Variants in PLEKHA7 observed in about 807,000 individuals in gnomAD.
PLEKHA7 encodes pleckstrin homology domain-containing family A member 7.
Under a neutral mutation model 170.0 loss-of-function variants are expected in PLEKHA7, and 104 were observed. The ratio of observed to expected loss-of-function variants is 0.61; its 90% CI spans 0.52 to 0.72. PLEKHA7 has a LOEUF of 0.72. Ranked by LOEUF, PLEKHA7 falls within the 30% of genes least tolerant of loss-of-function variation. The probability of loss-of-function intolerance (pLI) is 0.00; values close to 1 mark genes in which losing one functional copy is unlikely to be tolerated. For synonymous variants in PLEKHA7, 648 were observed against 660.8 expected, an observed-to-expected ratio of 0.98 and a Z score of 0.30; for missense variants, 1,615 against 1,671.7, an observed-to-expected ratio of 0.97 and a Z score of 0.59.
At chr11:16,779,939 C>G (rs1848899084) in intron 26 of PLEKHA7, among the ~76,000 whole-genome samples, 2 of 146,136 alleles carry the variant, frequency 1.4e-5, no homozygotes, top group Non-Finnish European at 3.0e-5. Flanking sequence ...GCATATCCCT[C>G]AAGGCCTCTG....
At chr11:16,975,101 T>A (rs983156857) in intron 3 of PLEKHA7, 5 of 566,658 alleles carry the variant, frequency 8.8e-6, no homozygotes, top group Non-Finnish European at 1.3e-5. Context: ...TTTCATCACA[T>A]GCATACATTC....
intron 3 of PLEKHA7, among the ~76,000 whole-genome samples, chr11:17,000,782 C>A (rs536575899): frequency 2.4e-4 from 36 of 152,296 alleles, no homozygotes; most frequent in African/African-American, 8.7e-4. Context: ...AAGTGACCTG[C>A]CAAAGCTAAA....
chr11:16,961,260 G>A (rs1590727389), intron 3 of PLEKHA7, among the ~76,000 whole-genome samples: 1 of 152,240 alleles, frequency 6.6e-6, no homozygotes, highest in East Asian at 1.9e-4. Context: ...CAAGGCTCCA[G>A]AAGAAAGGAC....
chr11:16,817,097 G>C lies in PLEKHA7; in HGVS notation c.1569C>G (p.Leu523=). Residue 523 remains leucine (L), a synonymous_variant, in exon 11 of 27, where the codon CTC becomes CTG. Transcript: ENST00000531066. The surrounding 1 kb of genome is among the most constrained non-coding windows in gnomAD (Gnocchi z 4.4). ...RAHRDGTVWQ[L]YEWQQRQQFR... ...ACTGCTGGCGCTGCTGCCACTCGTA[G>C]AGCTGCCACACGGTGCCATCCCGGT... 6.2e-7 allele frequency: 1 copy of C among 1,613,974 alleles called. No homozygotes were observed. The highest frequency in any genetic ancestry group is 8.5e-7 in the Non-Finnish European group (1 of 1,179,944).
At position 16,801,057 on chromosome 11, in the gene PLEKHA7, T is replaced by C. The variant is rs146070013; in HGVS notation, c.2326A>G (p.Asn776Asp). The change falls in exon 17 of 27, where the codon AAC becomes GAC. Residue 776 changes from asparagine (N) to aspartate (D), a missense_variant. By Grantham distance (23) the Asn-to-Asp change is conservative (BLOSUM62 1). Coordinates refer to ENST00000531066, the MANE Select transcript of PLEKHA7 (RefSeq NM_001329630.2). Reference sequence around the variant, plus strand: ...TCATTCTCCAACTTCAGGTATTCGTTCCAAGCATTTTCCATCTCCTGTTGG... The same window carrying C: ...TCATTCTCCAACTTCAGGTATTCGTCCCAAGCATTTTCCATCTCCTGTTGG... The part of the protein sequence containing the change: ...RESTEMENAW[N>D]EYLKLENDVE... The C allele has an allele frequency of 2.4e-3, 3,874 of 1,614,194 alleles. 82 individuals carry two copies. In the African/African-American group the frequency reaches 0.046, roughly 19 times the overall value.
At chr11:16,818,380 G>C (rs1849936807) in intron 10 of PLEKHA7, among the ~76,000 whole-genome samples, 1 of 152,154 alleles carries the variant, frequency 6.6e-6, no homozygotes, top group Non-Finnish European at 1.5e-5. Context: ...TACCCTTCCT[G>C]CCCTTCTTAC....
intron 3 of PLEKHA7, among the ~76,000 whole-genome samples, chr11:16,912,915 G>T (rs925448268): frequency 6.6e-6 from 1 of 152,194 alleles, no homozygotes; most frequent in South Asian, 2.1e-4. Context: ...GACACAAGGG[G>T]CCTCTTGCTG....
At chr11:16,831,993 A>G (rs1564979709) in intron 9 of PLEKHA7, among the ~76,000 whole-genome samples, 1 of 152,260 alleles carries the variant, frequency 6.6e-6, no homozygotes, top group Non-Finnish European at 1.5e-5. Flanking sequence ...CCAATAAGAT[A>G]TAAGCATAAA....
intron 3 of PLEKHA7, among the ~76,000 whole-genome samples, chr11:16,887,523 G>T (rs984700486): frequency 3.3e-5 from 5 of 152,168 alleles, no homozygotes; most frequent in Admixed American, 2.6e-4. Context: ...CCTGCCCAGT[G>T]CCTGGGATTG....
intron 3 of PLEKHA7, among the ~76,000 whole-genome samples, chr11:16,900,857 T>A (rs10832697): frequency 0.096 from 14,531 of 151,928 alleles, 861 homozygotes; most frequent in Non-Finnish European, 0.13. Context: ...TTTATTTTTT[T>A]TTTTTTTTGA....
At chr11:16,867,058 G>C (rs996515284) in intron 4 of PLEKHA7, among the ~76,000 whole-genome samples, 1 of 152,088 alleles carries the variant, frequency 6.6e-6, no homozygotes, top group African/African-American at 2.4e-5. Flanking sequence ...GATTGTCACT[G>C]CAGCCCAGAG....
In PLEKHA7 at chr11:17,014,021, G is replaced by A. The variant is rs1004617992; in HGVS notation, c.189C>T (p.Gly63=). The A allele has an allele frequency of 1.9e-6, 3 of 1,552,204 alleles. No homozygotes were observed. Among genetic ancestry groups the A allele is most frequent in the East Asian group, 2.4e-5 (1 of 41,030 alleles). ...AGTAGCTGGCGCCCTCCTCCGTGAAGCCCTCCTCCCAGCCGCGGGGCAGGT... is the reference window on the plus strand; with the variant it reads ...AGTAGCTGGCGCCCTCCTCCGTGAAACCCTCCTCCCAGCCGCGGGGCAGGT... ...RSDLPRGWEE[G]FTEEGASYFI... is the part of the protein sequence containing the mutation. The change falls in exon 3 of 27, where the codon GGC becomes GGT. Residue 63 remains glycine, a synonymous_variant. Transcript: ENST00000531066.
intron 15 of PLEKHA7, among the ~76,000 whole-genome samples, chr11:16,802,648 A>T (rs1848674316): frequency 6.6e-6 from 1 of 152,102 alleles, no homozygotes; most frequent in Non-Finnish European, 1.5e-5. Flanking sequence ...CCCGGGTTCA[A>T]GCAATTCTTC....
intron 3 of PLEKHA7, among the ~76,000 whole-genome samples, chr11:17,005,020 C>G (rs750342575): frequency 2.0e-5 from 3 of 152,138 alleles, no homozygotes; most frequent in Non-Finnish European, 4.4e-5. Context: ...AGATAGAAAA[C>G]AAGAGCAGGT....
At chr11:16,809,435 C>T (rs1309945816) in intron 13 of PLEKHA7, among the ~76,000 whole-genome samples, 2 of 152,146 alleles carry the variant, frequency 1.3e-5, no homozygotes, top group Non-Finnish European at 2.9e-5. Context: ...AGGGAGACTC[C>T]TCTCCAGAGA....
intron 3 of PLEKHA7, among the ~76,000 whole-genome samples, chr11:16,989,910 GC>G (rs1863933770): frequency 1.3e-5 from 2 of 152,078 alleles, no homozygotes; most frequent in Admixed American, 6.5e-5. Context: ...AAGGGCCGAA[GC>G]ATGCCAGCAC....
intron 5 of PLEKHA7, 128 bp from the exon 6 acceptor site, chr11:16,855,121 A>T: frequency 4.1e-6 from 3 of 725,570 alleles, no homozygotes; most frequent in Non-Finnish European, 7.1e-6. Flanking sequence ...GATCAAATGA[A>T]CAGCCAGAAG....
At chr11:17,013,561 C>G (rs1168340170) in intron 3 of PLEKHA7, among the ~76,000 whole-genome samples, 2 of 152,162 alleles carry the variant, frequency 1.3e-5, no homozygotes, top group Non-Finnish European at 1.5e-5. Flanking sequence ...TAGTCTCTCC[C>G]TCTCCCCACT....
chr11:16,824,571 C>G (rs974672576), intron 10 of PLEKHA7, among the ~76,000 whole-genome samples: 1 of 152,150 alleles, frequency 6.6e-6, no homozygotes, highest in Non-Finnish European at 1.5e-5. Context: ...TCCTTCATCC[C>G]GCATTCGAAT....
Sources: gnomAD v4.1 joint callset for allele counts (sites outside exome capture counted in the v4.1 genomes callset) on GRCh38, gnomAD v4.1.1 for gene constraint, Gnocchi (gnomAD v3.1) non-coding constraint, MANE v1.5 for transcripts, NCBI Gene and HGNC (gene_info 2026-07-23, HGNC 2026-07-21) for gene names.